B3GLCT: variants seen among roughly 807,000 people sequenced by gnomAD.
The protein encoded by B3GLCT is beta-1,3-glucosyltransferase.
B3GLCT carries 65 observed loss-of-function variants against 63.4 expected under a neutral mutation model. The observed-to-expected ratio is 1.03, with a 90% CI of 0.84 to 1.26. B3GLCT has a LOEUF of 1.26. Ranked by LOEUF, B3GLCT falls within the 50% of genes most tolerant of loss-of-function variation. The probability of loss-of-function intolerance (pLI) is 0.00; values close to 1 mark genes in which losing one functional copy is unlikely to be tolerated. For synonymous variants in B3GLCT, 233 were observed against 219.2 expected, an observed-to-expected ratio of 1.06 and a Z score of -0.55; for missense variants, 577 against 604.8, an observed-to-expected ratio of 0.95 and a Z score of 0.48.
intron 4 of B3GLCT, among the ~76,000 whole-genome samples, chr13:31,236,173 C>T (rs925668358): frequency 2.6e-5 from 4 of 152,180 alleles, no homozygotes; most frequent in African/African-American, 4.8e-5. Flanking sequence ...CCGCATAGCA[C>T]GTAGTGGATT....
In B3GLCT at chr13:31,240,854, G is replaced by A. The variant is rs145202694; in HGVS notation, c.271-6169G>A. ...CATTGCTGTTGAATGCAAATTTATC[G>A]ACCCATTCATTCAACAAATATTGAT... On this transcript the variant is annotated intron_variant, in intron 4 of 14. Transcript: ENST00000343307. 2.3e-3 allele frequency among the ~76,000 whole-genome samples: 346 copies of A among 152,044 alleles called. 4 individuals are homozygous for A. The highest frequency in any genetic ancestry group is 0.02 in the Middle Eastern group (6 of 294).
intron 4 of B3GLCT, among the ~76,000 whole-genome samples, chr13:31,229,748 CAA>C (rs1410655104): frequency 9.0e-6 from 1 of 111,110 alleles, no homozygotes; most frequent in Non-Finnish European, 1.9e-5. Flanking sequence ...TCCTCTGTCT[CAA>C]AAAAAAAAAA....
chr13:31,217,150 G>A (rs1869603255), intron 2 of B3GLCT, among the ~76,000 whole-genome samples: 1 of 152,192 alleles, frequency 6.6e-6, no homozygotes, highest in Admixed American at 6.5e-5. Flanking sequence ...TGACTAGTGC[G>A]AGATGGTATT....
chr13:31,285,302 C>A (rs531634797), intron 11 of B3GLCT, among the ~76,000 whole-genome samples: 1 of 151,996 alleles, frequency 6.6e-6, no homozygotes, highest in South Asian at 2.1e-4. Flanking sequence ...ATTGGAGACT[C>A]CAAAAGGTGG....
intron 3 of B3GLCT, among the ~76,000 whole-genome samples, chr13:31,223,386 C>T (rs147513304): frequency 0.014 from 2,182 of 152,202 alleles, 23 homozygotes; most frequent in Non-Finnish European, 0.022. Context: ...TAGCGCAGGC[C>T]GTCCGGGAGC....
At chr13:31,319,880 A>C (rs2137940160) in intron 13 of B3GLCT, among the ~76,000 whole-genome samples, 1 of 152,238 alleles carries the variant, frequency 6.6e-6, no homozygotes, top group Non-Finnish European at 1.5e-5. Flanking sequence ...GGCATATATG[A>C]GTTCTTATCC....
intron 1 of B3GLCT, among the ~76,000 whole-genome samples, chr13:31,213,228 TA>T (rs2137742565): frequency 6.6e-6 from 1 of 152,338 alleles, no homozygotes; most frequent in African/African-American, 2.4e-5. Flanking sequence ...ATTCATTTAT[TA>T]AGTAAATATT....
intron 1 of B3GLCT, among the ~76,000 whole-genome samples, chr13:31,214,570 A>G (rs1428707150): frequency 6.6e-6 from 1 of 152,104 alleles, no homozygotes; most frequent in Non-Finnish European, 1.5e-5. Flanking sequence ...TATCTGCATC[A>G]CACTTCTAAC....
intron 6 of B3GLCT, among the ~76,000 whole-genome samples, chr13:31,257,186 G>A (rs1486891654): frequency 6.6e-6 from 1 of 152,030 alleles, no homozygotes; most frequent in African/African-American, 2.4e-5. Flanking sequence ...CCATAAAACT[G>A]TATTTGCAAC....
chr13:31,221,606 A>G (rs1869815984), intron 2 of B3GLCT, among the ~76,000 whole-genome samples: 1 of 152,214 alleles, frequency 6.6e-6, no homozygotes, highest in Non-Finnish European at 1.5e-5. Flanking sequence ...CGAGACAAAG[A>G]TAATTTCAGA....
intron 4 of B3GLCT, among the ~76,000 whole-genome samples, chr13:31,244,777 C>T (rs1024337700): frequency 2.0e-5 from 3 of 151,892 alleles, no homozygotes; most frequent in Admixed American, 6.6e-5. Flanking sequence ...ATGTATATGA[C>T]AAGAATAAAA....
Position 31,229,185 on chromosome 13 carries a change from A to T in B3GLCT, c.161A>T (p.Asp54Val), listed in dbSNP as rs748935288. 1.3e-5 allele frequency: 21 copies of T among 1,569,760 alleles called. No individual in the cohort carries two copies. The highest frequency in any genetic ancestry group is 2.2e-5 in the South Asian group (2 of 89,932). ...TGAAAACTATTTTTTTTTGTTCTAG[A>T]CTTAAAAGGAATTGTATTCGTCATC... ...KSGISRKNDIDLKGIVFVIQS... is the reference protein window; with the variant it reads ...KSGISRKNDIVLKGIVFVIQS... Residue 54 changes from aspartate (D) to valine (V), a missense_variant and splice_region_variant, in exon 4 of 15, where the codon GAC becomes GTC. Transcript: ENST00000343307.
At chr13:31,269,758 TTATA>T (rs1872500724) in intron 8 of B3GLCT, among the ~76,000 whole-genome samples, 1 of 152,036 alleles carries the variant, frequency 6.6e-6, no homozygotes, top group African/African-American at 2.4e-5. Flanking sequence ...ATTAGCACTT[TTATA>T]AAAGAGGCCG....
intron 4 of B3GLCT, among the ~76,000 whole-genome samples, chr13:31,243,020 A>G (rs1341960131): frequency 1.3e-5 from 2 of 152,256 alleles, no homozygotes; most frequent in Admixed American, 6.5e-5. Context: ...TGTTATCCTC[A>G]TAAGACATAC....
At chr13:31,230,868 C>T (rs550078848) in intron 4 of B3GLCT, among the ~76,000 whole-genome samples, 11 of 152,036 alleles carry the variant, frequency 7.2e-5, no homozygotes, top group East Asian at 5.8e-4. Flanking sequence ...ATTAGCTGGG[C>T]GTGGTGGTGT....
At chr13:31,270,297 C>T (rs558088339) in intron 8 of B3GLCT, among the ~76,000 whole-genome samples, 2 of 152,282 alleles carry the variant, frequency 1.3e-5, no homozygotes, top group South Asian at 4.1e-4. Flanking sequence ...GTGCTGATGG[C>T]CTTCCAGGGA....
At chr13:31,234,247 C>T (rs1181684347) in intron 4 of B3GLCT, among the ~76,000 whole-genome samples, 2 of 152,046 alleles carry the variant, frequency 1.3e-5, no homozygotes, top group Non-Finnish European at 2.9e-5. Flanking sequence ...GTCTTGATCT[C>T]CTGACCTCGT....
Position 31,330,788 on chromosome 13 carries a change from A to C in B3GLCT, c.*1120A>C, listed in dbSNP as rs1343666494. ...ATTCAGTTTTTGTAAAGGTATTTGCATAAAATTTAATATGTCTTAAACTAA... is the reference window on the plus strand; with the variant it reads ...ATTCAGTTTTTGTAAAGGTATTTGCCTAAAATTTAATATGTCTTAAACTAA... On this transcript the variant is annotated 3_prime_UTR_variant, in exon 15 of 15. Transcript: ENST00000343307. The C allele has an allele frequency of 3.9e-5, 6 of 152,188 alleles. No homozygotes were observed. The highest frequency in any genetic ancestry group is 5.9e-5 in the Non-Finnish European group (4 of 68,034). The allele number at this position is 152,188 out of a possible 1,614,324, so 9.4% of individuals were successfully genotyped here. A position where few individuals can be genotyped will look rare whatever the true frequency, so the allele number is the denominator to read the frequency against.
At chr13:31,234,007 C>CTTTTTTT (rs57331266) in intron 4 of B3GLCT, among the ~76,000 whole-genome samples, 1 of 147,234 alleles carries the variant, frequency 6.8e-6, no homozygotes, top group Non-Finnish European at 1.5e-5. Flanking sequence ...GGCAGTTTTT[C>CTTTTTTT]TTTTTTTTTT....
Sources: allele counts gnomAD v4.1 joint callset (sites outside exome capture counted in the v4.1 genomes callset), GRCh38; gene constraint gnomAD v4.1.1; transcripts MANE v1.5; gene names NCBI Gene and HGNC (gene_info 2026-07-23, HGNC 2026-07-21).